Variants in RAD51 observed in about 807,000 individuals in gnomAD.
RAD51 encodes the protein DNA repair protein RAD51 homolog 1.
RAD51 carries 14 observed loss-of-function variants against 41.5 expected under a neutral mutation model. That is an observed-to-expected ratio of 0.34 (90% confidence interval 0.22 to 0.53). The LOEUF is 0.53. Among genes scored for constraint, RAD51 ranks in the 20% least tolerant of loss-of-function variants. The probability of loss-of-function intolerance (pLI) is 0.95; values close to 1 mark genes in which losing one functional copy is unlikely to be tolerated. For synonymous variants in RAD51, 136 were observed against 148.6 expected, an observed-to-expected ratio of 0.92 and a Z score of 0.62; for missense variants, 234 against 422.0, an observed-to-expected ratio of 0.55 and a Z score of 3.90.
intron 3 of RAD51, 126 bp downstream of exon 3, chr15:40,701,327 GT>G: frequency 1.0e-6 from 1 of 955,476 alleles, no homozygotes; most frequent in Non-Finnish European, 1.6e-6. Context: ...AGGGGTGACT[GT>G]TACCTGTTTC....
At chr15:40,707,505 C>G (rs1448692697) in intron 4 of RAD51, among the ~76,000 whole-genome samples, 2 of 151,622 alleles carry the variant, frequency 1.3e-5, no homozygotes, top group African/African-American at 4.9e-5. Flanking sequence ...TGAGGTTTCA[C>G]CACGTTGGCT....
At chr15:40,698,893 C>G in intron 2 of RAD51, 48 bp downstream of exon 2, 1 of 1,545,690 alleles carries the variant, frequency 6.5e-7, no homozygotes, top group South Asian at 1.1e-5. Flanking sequence ...GATTCTTCTA[C>G]CTAGTGGAAG....
In RAD51 at chr15:40,723,855, C is replaced by T. The variant is rs45471198; in HGVS notation, c.531-4856C>T. Reference sequence around the variant, plus strand: ...AAGCTCGTGAAGAGTTTGTAAGTTTCTATATCAAATAAAGTTTTTAAATAC... The same window carrying T: ...AAGCTCGTGAAGAGTTTGTAAGTTTTTATATCAAATAAAGTTTTTAAATAC... On this transcript the variant is annotated intron_variant, in intron 6 of 9. Transcript: ENST00000267868. Among the ~76,000 whole-genome samples, 5 of 152,240 alleles carry T rather than the reference C, an allele frequency of 3.3e-5. No homozygotes were observed. In the South Asian group the frequency reaches 1.0e-3, roughly 32 times the overall value.
At chr15:40,727,495 T>C (rs1293065073) in intron 6 of RAD51, among the ~76,000 whole-genome samples, 1 of 151,200 alleles carries the variant, frequency 6.6e-6, no homozygotes, top group Non-Finnish European at 1.5e-5. Flanking sequence ...TTTGTATTTT[T>C]AGTAGAGATG....
At chr15:40,724,670 A>ATTTGTTTTTTTTTT (rs757564729) in intron 6 of RAD51, among the ~76,000 whole-genome samples, 3 of 72,028 alleles carry the variant, frequency 4.2e-5, no homozygotes, top group Admixed American at 1.6e-4. Flanking sequence ...TAATTTTTTT[A>ATTTGTTTTTTTTTT]TTTCTTTTTT....
rs567064612 is a variant in RAD51, at chr15:40,701,770, A to C, written c.225+569A>C. On this transcript the variant is annotated intron_variant, in intron 3 of 9. Coordinates refer to ENST00000267868, the MANE Select transcript of RAD51 (RefSeq NM_002875.5). ...TACCCTTGAAGTTTTATGTAGTATAAAGCAGATTTTTTTTTTTTTTTTTTT... is the reference window on the plus strand; with the variant it reads ...TACCCTTGAAGTTTTATGTAGTATACAGCAGATTTTTTTTTTTTTTTTTTT... 13 of 300,896 alleles carry C rather than the reference A, an allele frequency of 4.3e-5. No homozygotes were observed. In the East Asian group the frequency reaches 1.4e-3, roughly 32 times the overall value. The allele number at this position is 300,896 out of a possible 1,614,324, so 18.6% of individuals were successfully genotyped here.
In RAD51 at chr15:40,701,095, A is replaced by G; in HGVS notation, c.119A>G (p.Lys40Arg). Reference sequence around the variant, plus strand: ...GGCATAAATGCCAACGATGTGAAGAAATTGGAAGAAGCTGGATTCCATACT... The same window carrying G: ...GGCATAAATGCCAACGATGTGAAGAGATTGGAAGAAGCTGGATTCCATACT... Reference protein sequence around the residue: ...QCGINANDVKKLEEAGFHTVE... With the variant: ...QCGINANDVKRLEEAGFHTVE... Residue 40 changes from lysine to arginine, a missense_variant, in exon 3 of 10, where the codon AAA (lysine) becomes AGA (arginine). Transcript: ENST00000267868. 1 of 1,614,256 alleles carries G rather than the reference A, an allele frequency of 6.2e-7. No individual in the cohort carries two copies.
In RAD51 at chr15:40,729,835, T is replaced by G; in HGVS notation, c.775-18T>G. The G allele has an allele frequency of 1.9e-6, 3 of 1,614,184 alleles. No individual in the cohort carries two copies. In the South Asian group the frequency reaches 3.3e-5, roughly 18 times the overall value. Reference sequence around the variant, plus strand: ...GTGTCTATGGCCACAAAATTGACATTTATCCTTTCCCCATCAGTTTGGTGT... The same window carrying G: ...GTGTCTATGGCCACAAAATTGACATGTATCCTTTCCCCATCAGTTTGGTGT... On this transcript the variant is annotated intron_variant, in intron 8 of 9. Coordinates refer to ENST00000267868, the MANE Select transcript of RAD51 (RefSeq NM_002875.5).
chr15:40,729,692 G>T, intron 8 of RAD51, 58 bp downstream of exon 8: 2 of 1,612,444 alleles, frequency 1.2e-6, no homozygotes, highest in Non-Finnish European at 1.7e-6. Context: ...AATTCCAGGA[G>T]CCTTGCTAGG....
chr15:40,728,598 A>G (rs961333129), intron 6 of RAD51, 113 bp from the exon 7 acceptor site: 1 of 875,072 alleles, frequency 1.1e-6, no homozygotes, highest in East Asian at 2.4e-5. Flanking sequence ...TCCTGAAACT[A>G]CTGTCAGTAC....
intron 6 of RAD51, among the ~76,000 whole-genome samples, chr15:40,726,909 T>C (rs1171833205): frequency 9.7e-6 from 1 of 102,882 alleles, no homozygotes; most frequent in Non-Finnish European, 1.9e-5. Flanking sequence ...TGAGACTCCG[T>C]CTCAAAAAAA....
At position 40,698,117 on chromosome 15, in the gene RAD51, T is replaced by C. The variant is rs533979538; in HGVS notation, c.-2-640T>C. On this transcript the variant is annotated intron_variant, in intron 1 of 9. Coordinates refer to ENST00000267868, the MANE Select transcript of RAD51 (RefSeq NM_002875.5). ...AACCTCTCTCCTTCCTGCCGCCCCC[T>C]GCAACAGCTGCATTCTCCTCAGTCT... Among the ~76,000 whole-genome samples the C allele has an allele frequency of 4.6e-5, 7 of 152,188 alleles. No homozygotes were observed. The South Asian group carries it at 1.2e-3, about 27-fold the overall frequency.
intron 7 of RAD51, 112 bp downstream of exon 7, chr15:40,728,936 A>C: frequency 2.1e-6 from 2 of 934,374 alleles, no homozygotes; most frequent in Non-Finnish European, 3.5e-6. Context: ...AGGAGGTTTA[A>C]GTATAATTCC....
In RAD51 at chr15:40,731,678, G is replaced by T; in HGVS notation, c.*500G>T. The T allele has an allele frequency of 4.1e-6, 1 of 244,982 alleles. No individual in the cohort carries two copies. The allele number at this position is 244,982 out of a possible 1,614,324, so 15.2% of individuals were successfully genotyped here. On this transcript the variant is annotated 3_prime_UTR_variant, in exon 10 of 10. Transcript: ENST00000267868. The stretch of plus-strand genomic sequence containing the variant: ...TGTCTGTCTGAATGATCTTGTGTAA[G>T]GTTTTGGTTATGGAGTCTTGTGCCA...
chr15:40,725,269 T>C (rs1171774113), intron 6 of RAD51, among the ~76,000 whole-genome samples: 1 of 152,062 alleles, frequency 6.6e-6, no homozygotes, highest in East Asian at 1.9e-4. Flanking sequence ...TGGCCTAGAG[T>C]GATTCTCCCT....
At chr15:40,715,755 C>G (rs1276723083) in intron 5 of RAD51, among the ~76,000 whole-genome samples, 2 of 152,194 alleles carry the variant, frequency 1.3e-5, no homozygotes, top group African/African-American at 4.8e-5. Context: ...GTGGCCTTTC[C>G]TTTGCCAAGG....
chr15:40,697,578 T>TC (rs1354411189), intron 1 of RAD51, among the ~76,000 whole-genome samples: 5 of 139,654 alleles, frequency 3.6e-5, no homozygotes, highest in African/African-American at 1.3e-4. Flanking sequence ...ATATTTCTTT[T>TC]TTTTTTTTTT....
intron 3 of RAD51, among the ~76,000 whole-genome samples, chr15:40,704,068 A>ATGTAT (rs1025369436): frequency 1.3e-5 from 2 of 150,908 alleles, no homozygotes; most frequent in Non-Finnish European, 3.0e-5. Context: ...ATGCCCTGCT[A>ATGTAT]TTTATTTTAT....
chr15:40,715,438 C>T (rs536874793), intron 5 of RAD51, among the ~76,000 whole-genome samples: 1 of 152,154 alleles, frequency 6.6e-6, no homozygotes, highest in African/African-American at 2.4e-5. Context: ...GAACATTTCA[C>T]ATATATGCAA....
Sources: gnomAD v4.1 joint callset for allele counts (sites outside exome capture counted in the v4.1 genomes callset) on GRCh38, gnomAD v4.1.1 for gene constraint, MANE v1.5 for transcripts, NCBI Gene and HGNC (gene_info 2026-07-23, HGNC 2026-07-21) for gene names.